Variants in EPHA10 observed in about 807,000 individuals in gnomAD.
The protein encoded by EPHA10 is ephrin type-A receptor 10.
In EPHA10, 120 loss-of-function variants were observed where a neutral mutation model predicts 109.7. The ratio of observed to expected loss-of-function variants is 1.09; its 90% CI spans 0.94 to 1.27. The LOEUF is 1.27. Ranked by LOEUF, EPHA10 falls within the 50% of genes most tolerant of loss-of-function variation. The pLI is 0.00. For synonymous variants in EPHA10, 640 were observed against 618.9 expected (o/e 1.03, Z -0.51); for missense variants, 1,396 against 1,411.1 (o/e 0.99, Z 0.17).
chr1:37,733,367 G>A (rs888832168), intron 6 of EPHA10, among the ~76,000 whole-genome samples: 3 of 151,572 alleles, frequency 2.0e-5, no homozygotes, highest in Non-Finnish European at 2.9e-5. Context: ...GACCACAGGC[G>A]CACACCACCA....
intron 7 of EPHA10, among the ~76,000 whole-genome samples, chr1:37,730,658 C>T (rs1229296477): frequency 6.6e-6 from 1 of 151,960 alleles, no homozygotes; most frequent in Non-Finnish European, 1.5e-5. Context: ...AGATATCGTT[C>T]GCATACCATG....
At chr1:37,762,882 T>C in intron 1 of EPHA10, 33 bp from the exon 2 acceptor site, 2 of 1,538,882 alleles carry the variant, frequency 1.3e-6, no homozygotes, top group Non-Finnish European at 8.8e-7. Flanking sequence ...ATATCAGAAA[T>C]CGAGAAGGTC....
rs1569600736 is a variant in EPHA10, at chr1:37,716,052, C to T, written c.*2320G>A. The T allele has an allele frequency of 3.7e-6, 2 of 546,752 alleles. No homozygotes were observed. Among genetic ancestry groups the T allele is most frequent in the Non-Finnish European group, 7.0e-6 (2 of 285,634 alleles). The allele number at this position is 546,752 out of a possible 1,614,324, so 33.9% of individuals were successfully genotyped here. ...CATCTCCAGAAGGAACCCCCTCCGA[C>T]TGGCCCCCTCCCTCCCAGGGTGAGC... is the stretch of plus-strand genomic sequence containing the variant. On this transcript the variant is annotated 3_prime_UTR_variant, in exon 17 of 17. Coordinates refer to ENST00000373048, the MANE Select transcript of EPHA10 (RefSeq NM_001099439.2).
chr1:37,742,408 A>G (rs1242437896), intron 5 of EPHA10, among the ~76,000 whole-genome samples: 2 of 152,260 alleles, frequency 1.3e-5, no homozygotes, highest in African/African-American at 2.4e-5. Context: ...GTTCTGGCCA[A>G]CAAAAGAAGT....
In EPHA10 at chr1:37,747,636, C is replaced by T. The variant is rs909859479; in HGVS notation, c.1357+5240G>A. Reference sequence around the variant, plus strand: ...CATAAAATATAGCCGGGCATGCTGACGTGCACCTGTAATCACAGCTACTTG... The same window carrying T: ...CATAAAATATAGCCGGGCATGCTGATGTGCACCTGTAATCACAGCTACTTG... On this transcript the variant is annotated intron_variant, in intron 5 of 16. Coordinates refer to ENST00000373048, the MANE Select transcript of EPHA10 (RefSeq NM_001099439.2). 2.7e-5 allele frequency among the ~76,000 whole-genome samples: 4 copies of T among 149,290 alleles called. No individual in the cohort carries two copies. In the South Asian group the frequency reaches 8.5e-4, roughly 32 times the overall value.
chr1:37,733,621 A>C (rs2148333711), intron 6 of EPHA10, among the ~76,000 whole-genome samples: 1 of 152,250 alleles, frequency 6.6e-6, no homozygotes, highest in East Asian at 1.9e-4. Context: ...AAGTCCATTC[A>C]GTGAGTCCTT....
At chr1:37,715,968 G>C (rs1371576735), downstream of EPHA10, 1 of 583,890 alleles carries the variant, frequency 1.7e-6, no homozygotes, top group Admixed American at 1.9e-5. Flanking sequence ...ACTCAAAGAG[G>C]CACCATATCA....
At chr1:37,723,686 G>C (rs1645841274) in intron 8 of EPHA10, among the ~76,000 whole-genome samples, 1 of 152,220 alleles carries the variant, frequency 6.6e-6, no homozygotes, top group African/African-American at 2.4e-5. Context: ...GCCCCCGCAT[G>C]CGGTTTTGTG....
Position 37,764,952 on chromosome 1 carries a change from T to A in EPHA10, c.106+9A>T, listed in dbSNP as rs1476381424. 6.2e-7 allele frequency: 1 copy of A among 1,600,422 alleles called. No homozygotes were observed. The highest frequency in any genetic ancestry group is 8.5e-7 in the Non-Finnish European group (1 of 1,174,810). On this transcript the variant is annotated intron_variant, in intron 1 of 16. Coordinates refer to ENST00000373048, the MANE Select transcript of EPHA10 (RefSeq NM_001099439.2). The surrounding 1 kb of genome is among the most constrained non-coding windows in gnomAD (Gnocchi z 5.8). ...CCACGCTCCGAGCAGAGCTCACCAG[T>A]CTTCTCACCTTCCTCGGCGGTCCCA...
At chr1:37,740,302 T>C (rs1398847905) in intron 5 of EPHA10, among the ~76,000 whole-genome samples, 1 of 151,916 alleles carries the variant, frequency 6.6e-6, no homozygotes, top group Non-Finnish European at 1.5e-5. Flanking sequence ...TTATTATTTA[T>C]TTATTTATTT....
intron 4 of EPHA10, among the ~76,000 whole-genome samples, chr1:37,753,707 T>TGAGTGGGAGCAGGGGC (rs1646365371): frequency 7.7e-5 from 1 of 12,940 alleles, no homozygotes; most frequent in African/African-American, 2.0e-4. Context: ...GGAGCAGGGG[T>TGAGTGGGAGCAGGGGC]GAGTGGGAGC....
At chr1:37,760,682 G>A (rs1006540063) in intron 3 of EPHA10, 4 of 213,286 alleles carry the variant, frequency 1.9e-5, no homozygotes, top group Admixed American at 5.9e-5. Context: ...TAGAATGTGA[G>A]TTGGGCAAGC....
chr1:37,753,203 G>C lies in EPHA10; in HGVS notation c.1030C>G (p.Leu344Val). The change falls in exon 5 of 17, where the codon CTG becomes GTG. Residue 344 changes from leucine to valine, a missense_variant. By Grantham distance (32) the Leu-to-Val change is conservative. Coordinates refer to ENST00000373048, the MANE Select transcript of EPHA10 (RefSeq NM_001099439.2). ...CTRPPSAPRDLQYSLSRSPLV... is the reference protein window; with the variant it reads ...CTRPPSAPRDVQYSLSRSPLV... The stretch of plus-strand genomic sequence containing the variant: ...GGCGAGCGGCTCAGGCTGTACTGCA[G>C]GTCCCGCGGCGCCGACGGCGGCCCT... 7.4e-7 allele frequency: 1 copy of C among 1,346,796 alleles called. No homozygotes were observed. Among genetic ancestry groups the C allele is most frequent in the South Asian group, 1.8e-5 (1 of 54,266 alleles). The allele number at this position is 1,346,796 out of a possible 1,614,324, so 83.4% of individuals were successfully genotyped here.
intron 10 of EPHA10, 34 bp from the exon 11 acceptor site, chr1:37,721,879 G>A (rs961169684): frequency 8.0e-6 from 12 of 1,505,044 alleles, no homozygotes; most frequent in Middle Eastern, 1.8e-4. Context: ...TACCGCCAGA[G>A]GCCACTGCCC....
At position 37,761,873 on chromosome 1, in the gene EPHA10, C is replaced by G. The variant is rs776072652; in HGVS notation, c.382G>C (p.Val128Leu). The G allele has an allele frequency of 8.1e-6, 13 of 1,611,724 alleles. No homozygotes were observed. The highest frequency in any genetic ancestry group is 2.7e-5 in the African/African-American group (2 of 74,920). ...TCGGCCTCAGTTTCCAGGTAGTAGA[C>G]GTTGAAGGTCTCCTTGCAGGTACCC... is the stretch of plus-strand genomic sequence containing the variant. ...AAGTCKETFN[V>L]YYLETEADLG... The change falls in exon 3 of 17, where the codon GTC (valine) becomes CTC (leucine). Residue 128 changes from valine to leucine, a missense_variant. Transcript: ENST00000373048.
intron 15 of EPHA10, 33 bp downstream of exon 15, chr1:37,719,381 G>A (rs2148303928): frequency 6.2e-7 from 1 of 1,604,492 alleles, no homozygotes; most frequent in Non-Finnish European, 8.5e-7. Flanking sequence ...CCACGGACAG[G>A]TGAGAGGCTG....
At chr1:37,715,321 A>AACCCGGCCACCGG (rs1645676180), downstream of EPHA10, among the ~76,000 whole-genome samples, 1 of 152,020 alleles carries the variant, frequency 6.6e-6, no homozygotes, top group African/African-American at 2.4e-5. Flanking sequence ...TGAGCCACCG[A>AACCCGGCCACCGG]ACCCGGCCAT....
chr1:37,760,754 G>C (rs1430983162), intron 3 of EPHA10: 2 of 195,838 alleles, frequency 1.0e-5, no homozygotes, highest in Non-Finnish European at 2.1e-5. Flanking sequence ...ATCTCTCTGA[G>C]GCTCTGTTTC....
At chr1:37,746,872 T>A (rs1646249522) in intron 5 of EPHA10, among the ~76,000 whole-genome samples, 1 of 152,178 alleles carries the variant, frequency 6.6e-6, no homozygotes, top group Non-Finnish European at 1.5e-5. Flanking sequence ...ACATGCAAGT[T>A]CACATATTGT....
Sources: gnomAD v4.1 joint callset for allele counts (sites outside exome capture counted in the v4.1 genomes callset) on GRCh38, gnomAD v4.1.1 for gene constraint, Gnocchi (gnomAD v3.1) non-coding constraint, MANE v1.5 for transcripts, NCBI Gene and HGNC (gene_info 2026-07-23, HGNC 2026-07-21) for gene names.